CASZ1: variants seen among roughly 807,000 people sequenced by gnomAD.
The protein encoded by CASZ1 is zinc finger protein castor homolog 1.
A neutral mutation model predicts 135.2 loss-of-function variants in CASZ1; 28 were observed. That is an observed-to-expected ratio of 0.21 (90% CI 0.15 to 0.28). CASZ1 has a LOEUF of 0.28. Among genes scored for constraint, CASZ1 ranks in the 10% least tolerant of loss-of-function variants. CASZ1 has a pLI of 1.00. For missense variants in CASZ1, 2,161 were observed against 2,453.3 expected, an observed-to-expected ratio of 0.88 and a Z score of 2.52; for synonymous variants, 1,068 against 1,073.4, an observed-to-expected ratio of 0.99 and a Z score of 0.10.
Position 10,659,684 on chromosome 1 carries a change from G to A in CASZ1, c.1340+18C>T. The A allele has an allele frequency of 6.3e-7, 1 of 1,591,582 alleles. No individual in the cohort carries two copies. Among genetic ancestry groups the A allele is most frequent in the Non-Finnish European group, 8.6e-7 (1 of 1,159,602 alleles). Reference sequence around the variant, plus strand: ...CTGGCTCCTGGCTCTGGGCATTGTGGGGTGGGGAGCGCCTTACTTGACAGT... The same window carrying A: ...CTGGCTCCTGGCTCTGGGCATTGTGAGGTGGGGAGCGCCTTACTTGACAGT... On this transcript the variant is annotated intron_variant, in intron 6 of 20. Coordinates refer to ENST00000377022, the MANE Select transcript of CASZ1 (RefSeq NM_001079843.3).
Position 10,666,318 on chromosome 1 carries a change from C to T in CASZ1, c.17-747G>A, listed in dbSNP as rs1643232199. ...CTCCCTGCCTCAGGGTCTTCTCCAG[C>T]CCTTGCCAGCCCCCTCTTGGCCTCT... On this transcript the variant is annotated intron_variant, in intron 4 of 20. Transcript: ENST00000377022. This position sits in a 1 kb window ranked among gnomAD's most constrained non-coding sequence, Gnocchi z 5.2. Among the ~76,000 whole-genome samples the T allele has an allele frequency of 6.6e-6, 1 of 152,200 alleles. No homozygotes were observed. Among genetic ancestry groups the T allele is most frequent in the African/African-American group, 2.4e-5 (1 of 41,444 alleles).
rs1400652594 is a variant in CASZ1, at chr1:10,637,545, G to A, written c.*1397C>T. On this transcript the variant is annotated 3_prime_UTR_variant, in exon 21 of 21. Transcript: ENST00000377022. ...CCCGCCAGCCTTCCATTCCCTCCTAGGCCTGTTCTCTCCCGGTGGCCCAAT... is the reference window on the plus strand; with the variant it reads ...CCCGCCAGCCTTCCATTCCCTCCTAAGCCTGTTCTCTCCCGGTGGCCCAAT... 6.6e-6 allele frequency: 1 copy of A among 152,368 alleles called. No homozygotes were observed. The highest frequency in any genetic ancestry group is 1.5e-5 in the Non-Finnish European group (1 of 68,054). 9.4% of individuals were successfully genotyped at this position (152,368 alleles called of 1,614,324 possible).
At chr1:10,768,483 G>A (rs2100588767) in intron 1 of CASZ1, among the ~76,000 whole-genome samples, 1 of 152,272 alleles carries the variant, frequency 6.6e-6, no homozygotes, top group African/African-American at 2.4e-5. Flanking sequence ...CTCCCAAAGT[G>A]CTGGAATTAG....
chr1:10,762,445 C>T lies in CASZ1; in HGVS notation c.-233-1588G>A, dbSNP rs1056156918. On this transcript the variant is annotated intron_variant, in intron 1 of 20. Coordinates refer to ENST00000377022, the MANE Select transcript of CASZ1 (RefSeq NM_001079843.3). This position sits in a 1 kb window ranked among gnomAD's most constrained non-coding sequence, Gnocchi z 4.1. Reference sequence around the variant, plus strand: ...TTTCTTTAAAAAAGAGGAAAAAACACTTTAATGGAAACTTCAGGGCCACTG... The same window carrying T: ...TTTCTTTAAAAAAGAGGAAAAAACATTTTAATGGAAACTTCAGGGCCACTG... Among the ~76,000 whole-genome samples, 2 of 152,146 alleles carry T rather than the reference C, an allele frequency of 1.3e-5. No homozygotes were observed. The highest frequency in any genetic ancestry group is 2.4e-5 in the African/African-American group (1 of 41,414).
At chr1:10,754,435 G>C (rs1321156206) in intron 2 of CASZ1, among the ~76,000 whole-genome samples, 2 of 152,130 alleles carry the variant, frequency 1.3e-5, no homozygotes, top group Non-Finnish European at 2.9e-5. Flanking sequence ...GACAGGTCAG[G>C]ACTTGGACCA....
At chr1:10,669,026 C>T (rs1043379432) in intron 4 of CASZ1, among the ~76,000 whole-genome samples, 9 of 152,342 alleles carry the variant, frequency 5.9e-5, no homozygotes, top group Non-Finnish European at 8.8e-5. Flanking sequence ...CCTCTCAGGG[C>T]GCCACGAGCA....
At chr1:10,642,757 G>C in intron 20 of CASZ1, 102 bp downstream of exon 20, 1 of 1,350,822 alleles carries the variant, frequency 7.4e-7, no homozygotes. Flanking sequence ...TGTCCTCCTC[G>C]GAGGCCGCGT....
Position 10,639,364 on chromosome 1 carries a change from G to A in CASZ1, c.4858C>T (p.Leu1620=), listed in dbSNP as rs1642117461. ...PGPPISLDGS[L]SLGAEPGSLL... is the part of the protein sequence containing the mutation. The stretch of plus-strand genomic sequence containing the variant: ...GAGCCCGGCTCGGCGCCCAGCGACA[G>A]GGAGCCGTCCAGACTGATGGGAGGC... The change falls in exon 21 of 21, where the codon CTG becomes TTG. Residue 1620 remains leucine, a synonymous_variant. Coordinates refer to ENST00000377022, the MANE Select transcript of CASZ1 (RefSeq NM_001079843.3). The surrounding 1 kb of genome is among the most constrained non-coding windows in gnomAD (Gnocchi z 4.0). 2 of 1,524,980 alleles carry A rather than the reference G, an allele frequency of 1.3e-6. No individual in the cohort carries two copies. Among genetic ancestry groups the A allele is most frequent in the Non-Finnish European group, 8.8e-7 (1 of 1,138,840 alleles). 94.5% of individuals were successfully genotyped at this position (1,524,980 alleles called of 1,614,324 possible). A position where few individuals can be genotyped will look rare whatever the true frequency, so the allele number is the denominator to read the frequency against.
chr1:10,653,489 C>T lies in CASZ1; in HGVS notation c.2568G>A (p.Pro856=), dbSNP rs752614476. Residue 856 remains proline (P), a synonymous_variant, in exon 11 of 21, where the codon CCG becomes CCA. Coordinates refer to ENST00000377022, the MANE Select transcript of CASZ1 (RefSeq NM_001079843.3). ...TCTCCATGATGGAGGCGGGTGGTGCCGGGACAGAGGCGGCAGCCACGGGGG... is the reference window on the plus strand; with the variant it reads ...TCTCCATGATGGAGGCGGGTGGTGCTGGGACAGAGGCGGCAGCCACGGGGG... ...DSAPVAAASV[P]APPASIMERI... is the part of the protein sequence containing the mutation. 3.5e-5 allele frequency: 57 copies of T among 1,612,318 alleles called. No homozygotes were observed. The highest frequency in any genetic ancestry group is 3.5e-4 in the Admixed American group (21 of 59,968).
At chr1:10,713,593 G>A (rs987811374) in intron 2 of CASZ1, among the ~76,000 whole-genome samples, 5 of 152,228 alleles carry the variant, frequency 3.3e-5, no homozygotes, top group African/African-American at 9.6e-5. Flanking sequence ...ATCCTGGACT[G>A]GAGGCTCCCG....
At chr1:10,744,363 G>A (rs1449152907) in intron 2 of CASZ1, among the ~76,000 whole-genome samples, 7 of 151,060 alleles carry the variant, frequency 4.6e-5, no homozygotes, top group African/African-American at 1.7e-4. Flanking sequence ...GAGCAGGCAT[G>A]TCCTGGGCAC....
chr1:10,669,065 A>G (rs957002234), intron 4 of CASZ1, among the ~76,000 whole-genome samples: 4 of 152,230 alleles, frequency 2.6e-5, no homozygotes, highest in African/African-American at 9.6e-5. Flanking sequence ...CTCTGAGCTG[A>G]GGAGACCCTG....
chr1:10,651,229 TC>T, intron 11 of CASZ1, 153 bp from the exon 12 acceptor site: 1 of 490,340 alleles, frequency 2.0e-6, no homozygotes, highest in Non-Finnish European at 3.3e-6. Context: ...CTCGCGACGC[TC>T]GCTCCTGTGT....
chr1:10,695,853 C>T (rs1278558744), intron 3 of CASZ1, among the ~76,000 whole-genome samples: 1 of 152,104 alleles, frequency 6.6e-6, no homozygotes, highest in African/African-American at 2.4e-5. Flanking sequence ...AGGAAAGAGA[C>T]GGTGGGGTGA....
In CASZ1 at chr1:10,646,103, C is replaced by T. The variant is rs992712209; in HGVS notation, c.3696+25G>A. The T allele has an allele frequency of 6.2e-7, 1 of 1,612,400 alleles. No homozygotes were observed. Among genetic ancestry groups the T allele is most frequent in the South Asian group, 1.1e-5 (1 of 90,976 alleles). Reference sequence around the variant, plus strand: ...CACCTCCCTGCCCCCTACTCTGCCCCTGCGCCGTGTACCGCCATGCTGACC... The same window carrying T: ...CACCTCCCTGCCCCCTACTCTGCCCTTGCGCCGTGTACCGCCATGCTGACC... On this transcript the variant is annotated intron_variant, in intron 17 of 20. Transcript: ENST00000377022. The surrounding 1 kb of genome is among the most constrained non-coding windows in gnomAD (Gnocchi z 6.4).
chr1:10,698,606 C>T (rs554924284), intron 3 of CASZ1, among the ~76,000 whole-genome samples: 3 of 152,272 alleles, frequency 2.0e-5, no homozygotes, highest in East Asian at 3.9e-4. Context: ...TGGCCGGCTC[C>T]GAAGCAGGCT....
At chr1:10,713,135 G>A (rs986032643) in intron 2 of CASZ1, among the ~76,000 whole-genome samples, 1 of 152,242 alleles carries the variant, frequency 6.6e-6, no homozygotes, top group Non-Finnish European at 1.5e-5. Context: ...TTGACAGGGA[G>A]TCATTTATAT....
intron 1 of CASZ1, among the ~76,000 whole-genome samples, chr1:10,783,228 C>T (rs893529073): frequency 1.2e-4 from 18 of 148,384 alleles, no homozygotes; most frequent in South Asian, 4.4e-4. Flanking sequence ...TTATTTTTAA[C>T]GGCTAGGCCA....
At chr1:10,692,961 G>T (rs537252866) in intron 4 of CASZ1, among the ~76,000 whole-genome samples, 1 of 152,194 alleles carries the variant, frequency 6.6e-6, no homozygotes, top group Admixed American at 6.5e-5. Flanking sequence ...AACCTAGCAC[G>T]TGAGGGTCCT....
Sources: gnomAD v4.1 joint callset for allele counts (sites outside exome capture counted in the v4.1 genomes callset) on GRCh38, gnomAD v4.1.1 for gene constraint, Gnocchi (gnomAD v3.1) non-coding constraint, MANE v1.5 for transcripts, NCBI Gene and HGNC (gene_info 2026-07-23, HGNC 2026-07-21) for gene names.